The following ADGRL3 variants were observed in gnomAD, a reference collection of about 807,000 sequenced individuals.
The protein encoded by ADGRL3 is adhesion G protein-coupled receptor L3, also known as calcium-independent alpha-latrotoxin receptor 3.
In ADGRL3, 62 loss-of-function variants were observed where a neutral mutation model predicts 153.5. The observed-to-expected ratio is 0.40, with a 90% CI of 0.33 to 0.50. The LOEUF is 0.50. ADGRL3 is among the 20% of genes least tolerant of loss of function. ADGRL3 has a pLI of 0.47. For missense variants in ADGRL3, 1,641 were observed against 1,859.4 expected, an observed-to-expected ratio of 0.88 and a Z score of 2.16; for synonymous variants, 710 against 672.5, an observed-to-expected ratio of 1.06 and a Z score of -0.86.
intron 2 of ADGRL3, among the ~76,000 whole-genome samples, chr4:61,399,724 A>T (rs1207260409): frequency 6.6e-6 from 1 of 151,724 alleles, no homozygotes; most frequent in African/African-American, 2.4e-5. Context: ...TGTTGGACTT[A>T]ATGACTAAAT....
At chr4:61,588,452 A>G (rs2149367616) in intron 5 of ADGRL3, among the ~76,000 whole-genome samples, 1 of 152,002 alleles carries the variant, frequency 6.6e-6, no homozygotes, top group Non-Finnish European at 1.5e-5. Context: ...TCAATATGTT[A>G]TTTTTATAAA....
At chr4:61,307,133 C>T (rs1578204033) in intron 1 of ADGRL3, among the ~76,000 whole-genome samples, 1 of 152,168 alleles carries the variant, frequency 6.6e-6, no homozygotes, top group African/African-American at 2.4e-5. Flanking sequence ...CTTGCCCAAT[C>T]TTAAACAGCT....
intron 8 of ADGRL3, among the ~76,000 whole-genome samples, chr4:61,744,704 A>C (rs1156358431): frequency 1.3e-5 from 2 of 152,122 alleles, no homozygotes; most frequent in African/African-American, 4.8e-5. Flanking sequence ...CCACACCAAA[A>C]AACCATCTGT....
At chr4:61,806,514 C>G (rs1458798616) in intron 8 of ADGRL3, among the ~76,000 whole-genome samples, 1 of 151,660 alleles carries the variant, frequency 6.6e-6, no homozygotes, top group African/African-American at 2.4e-5. Context: ...TAGTATTTTT[C>G]TATCTAATAT....
intron 3 of ADGRL3, among the ~76,000 whole-genome samples, chr4:61,502,407 C>T (rs537438225): frequency 3.3e-5 from 5 of 151,314 alleles, no homozygotes; most frequent in South Asian, 2.1e-4. Context: ...TAACGGCGAG[C>T]GGTATGTTTT....
chr4:61,689,667 T>A (rs942006065), intron 6 of ADGRL3, among the ~76,000 whole-genome samples: 4 of 152,158 alleles, frequency 2.6e-5, no homozygotes, highest in African/African-American at 9.6e-5. Context: ...ATTTGCATTC[T>A]ATCCAGTTTC....
chr4:61,869,900 T>C (rs1421955234), intron 9 of ADGRL3, among the ~76,000 whole-genome samples: 2 of 116,442 alleles, frequency 1.7e-5, no homozygotes, highest in Non-Finnish European at 3.4e-5. Context: ...ATCATGCCAT[T>C]GCACTCCAGC....
At chr4:61,818,882 A>G (rs2097718761) in intron 9 of ADGRL3, among the ~76,000 whole-genome samples, 1 of 152,196 alleles carries the variant, frequency 6.6e-6, no homozygotes, top group South Asian at 2.1e-4. Flanking sequence ...TTTTCAAAAT[A>G]AAAATAAAAT....
chr4:61,286,985 C>A (rs1162186237), intron 1 of ADGRL3, among the ~76,000 whole-genome samples: 2 of 151,664 alleles, frequency 1.3e-5, no homozygotes, highest in Non-Finnish European at 1.5e-5. Flanking sequence ...AGGCCTCTAT[C>A]AGTTTATAAG....
intron 5 of ADGRL3, among the ~76,000 whole-genome samples, chr4:61,648,342 A>C (rs2150343578): frequency 6.9e-6 from 1 of 145,942 alleles, no homozygotes; most frequent in East Asian, 2.0e-4. Context: ...TTAGGAAATG[A>C]AATCGGCTTT....
intron 1 of ADGRL3, among the ~76,000 whole-genome samples, chr4:61,375,712 A>G (rs2096595030): frequency 6.6e-6 from 1 of 152,176 alleles, no homozygotes; most frequent in African/African-American, 2.4e-5. Context: ...GAATTAATTA[A>G]TATGCAATCT....
intron 1 of ADGRL3, among the ~76,000 whole-genome samples, chr4:61,267,731 A>G (rs1054098145): frequency 6.6e-6 from 1 of 151,696 alleles, no homozygotes; most frequent in East Asian, 1.9e-4. Context: ...GAGCCTCTCA[A>G]TAAAAAGGCA....
chr4:61,767,499 AC>A (rs981068059), intron 8 of ADGRL3, among the ~76,000 whole-genome samples: 53 of 152,168 alleles, frequency 3.5e-4, no homozygotes, highest in Non-Finnish European at 5.9e-4. Flanking sequence ...TGTGAGAGTT[AC>A]CCGAAGCTCG....
intron 2 of ADGRL3, among the ~76,000 whole-genome samples, chr4:61,487,237 T>C (rs892529474): frequency 1.3e-5 from 2 of 152,130 alleles, no homozygotes; most frequent in African/African-American, 2.4e-5. Flanking sequence ...TTGATGCAAA[T>C]CTGGGCTTTA....
intron 2 of ADGRL3, among the ~76,000 whole-genome samples, chr4:61,487,302 C>A (rs1335602475): frequency 1.3e-5 from 2 of 152,134 alleles, no homozygotes; most frequent in Non-Finnish European, 2.9e-5. Flanking sequence ...CCCTCGATTT[C>A]CTCATTTGCC....
intron 1 of ADGRL3, among the ~76,000 whole-genome samples, chr4:61,303,924 T>G (rs2094675147): frequency 6.6e-6 from 1 of 152,166 alleles, no homozygotes; most frequent in Admixed American, 6.5e-5. Context: ...AGATACACAT[T>G]TAAATACAAC....
intron 9 of ADGRL3, among the ~76,000 whole-genome samples, chr4:61,867,719 T>C (rs13110933): frequency 0.36 from 54,717 of 150,266 alleles, 11,090 homozygotes; most frequent in Middle Eastern, 0.53. Flanking sequence ...TTATGCTAAG[T>C]CTGATGAAGT....
At chr4:61,543,059 C>A (rs778380821) in intron 4 of ADGRL3, among the ~76,000 whole-genome samples, 4 of 152,040 alleles carry the variant, frequency 2.6e-5, no homozygotes, top group Admixed American at 2.0e-4. Context: ...ACACTATTAT[C>A]GTTCTTCCCA....
intron 5 of ADGRL3, among the ~76,000 whole-genome samples, chr4:61,597,746 G>T (rs949275174): frequency 6.6e-6 from 1 of 150,852 alleles, no homozygotes; most frequent in Non-Finnish European, 1.5e-5. Context: ...TCTGTTATAG[G>T]TGATATATAT....
Sources: gnomAD v4.1 joint callset for allele counts (sites outside exome capture counted in the v4.1 genomes callset) on GRCh38, gnomAD v4.1.1 for gene constraint, MANE v1.5 for transcripts, NCBI Gene and HGNC (gene_info 2026-07-23, HGNC 2026-07-21) for gene names.